The following RAB7A variants were observed in gnomAD, a reference collection of about 807,000 sequenced individuals.
RAB7A encodes the protein RAB7A, member RAS oncogene family, also known as ras-related protein Rab-7a.
In RAB7A, 2 loss-of-function variants were observed where a neutral mutation model predicts 24.5. That is an observed-to-expected ratio of 0.08 (90% CI 0.03 to 0.26). The LOEUF (loss-of-function observed/expected upper bound fraction) is 0.26, where lower values mean the gene tolerates loss of function less well. Ranked by LOEUF, RAB7A falls within the 10% of genes least tolerant of loss-of-function variation. The pLI is 1.00. For synonymous variants in RAB7A, 100 were observed against 95.9 expected (o/e 1.04, Z -0.25); for missense variants, 118 against 255.7 (o/e 0.46, Z 3.67).
At chr3:128,806,296 C>T (rs1179933032) in intron 3 of RAB7A, 76 bp from the exon 4 acceptor site, 2 of 1,364,636 alleles carry the variant, frequency 1.5e-6, no homozygotes, top group Admixed American at 4.0e-5. Context: ...CCTATTTCTT[C>T]TGGCACCCCT....
intron 1 of RAB7A, among the ~76,000 whole-genome samples, chr3:128,786,562 C>T (rs903187647): frequency 3.3e-5 from 5 of 152,150 alleles, no homozygotes; most frequent in Non-Finnish European, 7.3e-5. Flanking sequence ...GACAGAGAGA[C>T]ATTTACCCAT....
intron 1 of RAB7A, among the ~76,000 whole-genome samples, chr3:128,732,981 ATGTT>A (rs2070453602): frequency 6.6e-6 from 1 of 152,190 alleles, no homozygotes; most frequent in Non-Finnish European, 1.5e-5. Flanking sequence ...TATTTTTCAA[ATGTT>A]TGTTGGTAAC....
At chr3:128,808,740 T>G (rs1036625218) in intron 5 of RAB7A, among the ~76,000 whole-genome samples, 1 of 152,122 alleles carries the variant, frequency 6.6e-6, no homozygotes. Flanking sequence ...GTGGCAGGTT[T>G]GGGAGGATGC....
At chr3:128,759,287 G>A (rs1450304266) in intron 1 of RAB7A, among the ~76,000 whole-genome samples, 1 of 152,168 alleles carries the variant, frequency 6.6e-6, no homozygotes, top group Non-Finnish European at 1.5e-5. Context: ...CAGTGTTAGC[G>A]GTGGAAAAGC....
chr3:128,746,053 A>T (rs1213773145), intron 1 of RAB7A, among the ~76,000 whole-genome samples: 1 of 152,246 alleles, frequency 6.6e-6, no homozygotes, highest in African/African-American at 2.4e-5. Context: ...GCAAGGAGAC[A>T]TTTGAAATAG....
chr3:128,765,726 C>T (rs1202302969), intron 1 of RAB7A, among the ~76,000 whole-genome samples: 5 of 150,046 alleles, frequency 3.3e-5, no homozygotes, highest in Admixed American at 2.0e-4. Context: ...CCCTTCCTGA[C>T]TTAATCACTC....
At chr3:128,758,581 G>A (rs1012603656) in intron 1 of RAB7A, among the ~76,000 whole-genome samples, 6 of 152,012 alleles carry the variant, frequency 3.9e-5, no homozygotes, top group East Asian at 1.9e-4. Flanking sequence ...AGCCTCCTGC[G>A]TTTGGTTTTT....
chr3:128,780,767 C>A (rs1049265550), intron 1 of RAB7A, among the ~76,000 whole-genome samples: 1 of 152,118 alleles, frequency 6.6e-6, no homozygotes, highest in African/African-American at 2.4e-5. Flanking sequence ...GAGTGGTAAC[C>A]CATGTTCTTA....
At position 128,795,924 on chromosome 3, in the gene RAB7A, T is replaced by C. The variant is rs1187594323; in HGVS notation, c.53+504T>C. On this transcript the variant is annotated intron_variant, in intron 2 of 5. Coordinates refer to ENST00000265062, the MANE Select transcript of RAB7A (RefSeq NM_004637.6). ...CCGCCACCACGCCCGGCTAGTTTTT[T>C]GTATTTTTGGTAGAGATGGGGTTTC... 7.2e-5 allele frequency among the ~76,000 whole-genome samples: 11 copies of C among 151,744 alleles called. No homozygotes were observed. The East Asian group carries it at 2.1e-3, about 30-fold the overall frequency.
At chr3:128,767,473 A>C (rs1191038301) in intron 1 of RAB7A, among the ~76,000 whole-genome samples, 1 of 152,176 alleles carries the variant, frequency 6.6e-6, no homozygotes, top group Non-Finnish European at 1.5e-5. Context: ...GCCTGGGGTA[A>C]GGAAATAAAT....
In RAB7A at chr3:128,739,734, C is replaced by T. The variant is rs926209770; in HGVS notation, c.-9+13375C>T. Among the ~76,000 whole-genome samples, 5 of 152,040 alleles carry T rather than the reference C, an allele frequency of 3.3e-5. No individual in the cohort carries two copies. The South Asian group carries it at 6.2e-4, about 19-fold the overall frequency. On this transcript the variant is annotated intron_variant, in intron 1 of 5. Transcript: ENST00000265062. Reference sequence around the variant, plus strand: ...ATAATATTGATCATAATTTAACAATCCTCTAAATGAACATTTCAGTTATTT... The same window carrying T: ...ATAATATTGATCATAATTTAACAATTCTCTAAATGAACATTTCAGTTATTT...
chr3:128,795,877 G>A (rs1296072536), intron 2 of RAB7A, among the ~76,000 whole-genome samples: 15 of 150,118 alleles, frequency 1.0e-4, no homozygotes, highest in African/African-American at 1.2e-4. Context: ...TCAGCCTCCC[G>A]AGGAGCTGGG....
At chr3:128,737,031 G>T (rs929793162) in intron 1 of RAB7A, among the ~76,000 whole-genome samples, 2 of 88,652 alleles carry the variant, frequency 2.3e-5, no homozygotes, top group African/African-American at 1.2e-4. Context: ...CCGATCCTAA[G>T]AAATTTATTT....
intron 1 of RAB7A, among the ~76,000 whole-genome samples, chr3:128,732,394 TAA>T (rs565669531): frequency 7.0e-6 from 1 of 143,814 alleles, no homozygotes; most frequent in Non-Finnish European, 1.5e-5. Context: ...ACTATTCAGT[TAA>T]AAAAAAAAAG....
chr3:128,801,319 T>C (rs910184998), intron 3 of RAB7A, among the ~76,000 whole-genome samples: 6 of 152,352 alleles, frequency 3.9e-5, no homozygotes, highest in Non-Finnish European at 7.3e-5. Context: ...ATTTCATCTC[T>C]ACAAAAAAAT....
intron 1 of RAB7A, among the ~76,000 whole-genome samples, chr3:128,744,127 G>C (rs2070584818): frequency 6.6e-6 from 1 of 151,886 alleles, no homozygotes; most frequent in South Asian, 2.1e-4. Context: ...ATTGGCACAT[G>C]CCTGTAGTCC....
At chr3:128,743,336 G>A (rs1043121641) in intron 1 of RAB7A, among the ~76,000 whole-genome samples, 11 of 152,206 alleles carry the variant, frequency 7.2e-5, no homozygotes, top group South Asian at 2.1e-4. Context: ...AGAGGGAGCC[G>A]GCTCCAGCCT....
intron 1 of RAB7A, among the ~76,000 whole-genome samples, chr3:128,774,650 T>A (rs1933035824): frequency 6.6e-6 from 1 of 152,228 alleles, no homozygotes; most frequent in Non-Finnish European, 1.5e-5. Flanking sequence ...CTTGGCTCAC[T>A]GCAAGCTCCG....
chr3:128,779,718 A>G (rs1933178877), intron 1 of RAB7A, among the ~76,000 whole-genome samples: 1 of 152,102 alleles, frequency 6.6e-6, no homozygotes. Context: ...CAGCCTCCTG[A>G]GTAGCTGGGA....
Sources: gnomAD v4.1 joint callset for allele counts (sites outside exome capture counted in the v4.1 genomes callset) on GRCh38, gnomAD v4.1.1 for gene constraint, MANE v1.5 for transcripts, NCBI Gene and HGNC (gene_info 2026-07-23, HGNC 2026-07-21) for gene names.